The following FNDC3A variants were observed in gnomAD, a reference collection of about 807,000 sequenced individuals.
FNDC3A encodes fibronectin type-III domain-containing protein 3A.
A neutral mutation model predicts 148.9 loss-of-function variants in FNDC3A; 32 were observed. The observed-to-expected ratio is 0.21, with a 90% CI of 0.16 to 0.29. The LOEUF (loss-of-function observed/expected upper bound fraction) is 0.29, where lower values mean the gene tolerates loss of function less well. FNDC3A is among the 10% of genes least tolerant of loss of function. FNDC3A has a pLI of 1.00. For synonymous variants in FNDC3A, 472 were observed against 473.6 expected (o/e 1.00, Z 0.04); for missense variants, 1,191 against 1,452.8 (o/e 0.82, Z 2.93).
At chr13:49,048,848 A>G (rs1875615033) in intron 2 of FNDC3A, among the ~76,000 whole-genome samples, 1 of 152,134 alleles carries the variant, frequency 6.6e-6, no homozygotes, top group Non-Finnish European at 1.5e-5. Flanking sequence ...GACTTCCAAT[A>G]TTCACTGAAT....
intron 7 of FNDC3A, among the ~76,000 whole-genome samples, chr13:49,141,177 C>A (rs959790589): frequency 7.9e-5 from 12 of 152,132 alleles, no homozygotes; most frequent in African/African-American, 2.9e-4. Flanking sequence ...AATGTTTCTT[C>A]TTTCAGAAAA....
At chr13:49,026,098 A>G (rs996457873) in intron 2 of FNDC3A, among the ~76,000 whole-genome samples, 2 of 152,210 alleles carry the variant, frequency 1.3e-5, no homozygotes, top group African/African-American at 2.4e-5. Flanking sequence ...CCAGTATTTT[A>G]TTGTGTGAAT....
At chr13:49,153,002 A>G (rs2137990502) in intron 8 of FNDC3A, among the ~76,000 whole-genome samples, 1 of 150,892 alleles carries the variant, frequency 6.6e-6, no homozygotes, top group South Asian at 2.1e-4. Flanking sequence ...TCTTTATAGC[A>G]GCATGATTTA....
intron 25 of FNDC3A, among the ~76,000 whole-genome samples, chr13:49,205,067 C>T (rs1251136171): frequency 1.3e-5 from 2 of 152,202 alleles, no homozygotes; most frequent in Non-Finnish European, 2.9e-5. Context: ...CTACTCAGCT[C>T]CCTTCAGTCC....
intron 3 of FNDC3A, among the ~76,000 whole-genome samples, chr13:49,111,892 TTC>T (rs1271597596): frequency 3.9e-5 from 6 of 152,120 alleles, no homozygotes; most frequent in Non-Finnish European, 8.8e-5. Flanking sequence ...TAGCTTACAT[TTC>T]TCTTTTCAGC....
intron 2 of FNDC3A, among the ~76,000 whole-genome samples, chr13:49,013,722 T>G: frequency 6.8e-6 from 1 of 146,904 alleles, no homozygotes; most frequent in African/African-American, 2.5e-5. Context: ...TCATTAGGTA[T>G]ATCTCCCAAT....
At chr13:49,104,202 C>T (rs1433193469) in intron 3 of FNDC3A, among the ~76,000 whole-genome samples, 1 of 152,150 alleles carries the variant, frequency 6.6e-6, no homozygotes, top group Non-Finnish European at 1.5e-5. Context: ...GTAGAGTGGG[C>T]TGGACAAAAG....
At chr13:49,048,651 T>C (rs775879156) in intron 2 of FNDC3A, among the ~76,000 whole-genome samples, 1 of 152,194 alleles carries the variant, frequency 6.6e-6, no homozygotes, top group Non-Finnish European at 1.5e-5. Context: ...ACCTACTGAT[T>C]TGTGTATATT....
chr13:49,079,684 A>G (rs1347520967), intron 3 of FNDC3A, among the ~76,000 whole-genome samples: 2 of 152,214 alleles, frequency 1.3e-5, no homozygotes, highest in Non-Finnish European at 2.9e-5. Context: ...AATGTTCAAT[A>G]AAATAATAAC....
Position 49,001,801 on chromosome 13 carries a change from G to T in FNDC3A, c.-39-4351G>T, listed in dbSNP as rs144457064. Among the ~76,000 whole-genome samples the T allele has an allele frequency of 3.2e-3, 484 of 152,246 alleles. 5 individuals are homozygous for T. The highest frequency in any genetic ancestry group is 0.014 in the Middle Eastern group (4 of 294). On this transcript the variant is annotated intron_variant, in intron 1 of 25. Transcript: ENST00000492622. ...TAAGATGTTATCAATGACAGTGCGT[G>T]CCCGAAACTTCATTAGCAATTTTAA...
intron 2 of FNDC3A, among the ~76,000 whole-genome samples, chr13:49,060,740 A>G (rs1876619720): frequency 6.6e-6 from 1 of 152,116 alleles, no homozygotes; most frequent in Non-Finnish European, 1.5e-5. Context: ...CCAGGTCACA[A>G]AAGATCACTA....
chr13:49,166,573 CTA>C lies in FNDC3A; in HGVS notation c.978-669_978-668del, dbSNP rs1352974119. ...GTCTTGCACAACTCCAGGCATCTCC[CTA>C]TGTTAGTTGCAGCCCACAAGGGTCT... On this transcript the variant is annotated intron_variant, in intron 8 of 25. Coordinates refer to ENST00000492622, the MANE Select transcript of FNDC3A (RefSeq NM_001079673.2). Among the ~76,000 whole-genome samples, 6 of 152,264 alleles carry C rather than the reference CTA, an allele frequency of 3.9e-5. No homozygotes were observed. In the East Asian group the frequency reaches 1.2e-3, roughly 29 times the overall value.
rs1480827437 is a variant in FNDC3A, at chr13:49,208,004, T to C, written c.*609T>C. The stretch of plus-strand genomic sequence containing the variant: ...GGAGTTCTTCATTATAAATATATAT[T>C]CATGAATTCACAGATAAGTACTTAA... On this transcript the variant is annotated 3_prime_UTR_variant, in exon 26 of 26. Transcript: ENST00000492622. 6.6e-6 allele frequency: 1 copy of C among 152,592 alleles called. No homozygotes were observed. The highest frequency in any genetic ancestry group is 2.4e-5 in the African/African-American group (1 of 41,442). The allele number at this position is 152,592 out of a possible 1,614,324, so 9.5% of individuals were successfully genotyped here.
intron 3 of FNDC3A, among the ~76,000 whole-genome samples, chr13:49,090,075 G>A (rs1191626040): frequency 6.6e-6 from 1 of 152,084 alleles, no homozygotes; most frequent in East Asian, 1.9e-4. Context: ...CAAAGAGAAT[G>A]GAAAAGGGCA....
chr13:49,105,238 G>T (rs184416018), intron 3 of FNDC3A, among the ~76,000 whole-genome samples: 5 of 152,264 alleles, frequency 3.3e-5, no homozygotes, highest in Admixed American at 2.6e-4. Flanking sequence ...TACATGCCTG[G>T]CTGGTAGGAA....
intron 3 of FNDC3A, among the ~76,000 whole-genome samples, chr13:49,095,811 T>C (rs532321937): frequency 6.6e-6 from 1 of 152,028 alleles, no homozygotes; most frequent in African/African-American, 2.4e-5. Flanking sequence ...GAGATGAGGC[T>C]AGGATGTCCA....
intron 1 of FNDC3A, among the ~76,000 whole-genome samples, chr13:48,985,316 T>TC (rs1951767695): frequency 6.6e-6 from 1 of 152,226 alleles, no homozygotes; most frequent in African/African-American, 2.4e-5. Flanking sequence ...ATAAATAGCT[T>TC]CATCTTTTTA....
At chr13:49,097,345 A>G (rs1400476272) in intron 3 of FNDC3A, among the ~76,000 whole-genome samples, 2 of 151,838 alleles carry the variant, frequency 1.3e-5, no homozygotes, top group Non-Finnish European at 2.9e-5. Flanking sequence ...AATGAGGGAA[A>G]GCCCTTGCTT....
At chr13:49,033,440 G>A (rs1469641471) in intron 2 of FNDC3A, among the ~76,000 whole-genome samples, 1 of 152,086 alleles carries the variant, frequency 6.6e-6, no homozygotes, top group Non-Finnish European at 1.5e-5. Flanking sequence ...CACTGGATAA[G>A]TATAAAATGA....
Sources: gnomAD v4.1 joint callset for allele counts (sites outside exome capture counted in the v4.1 genomes callset) on GRCh38, gnomAD v4.1.1 for gene constraint, MANE v1.5 for transcripts, NCBI Gene and HGNC (gene_info 2026-07-23, HGNC 2026-07-21) for gene names.